NLGN1: variants seen among roughly 807,000 people sequenced by gnomAD.
NLGN1 encodes neuroligin 1.
NLGN1 carries 12 observed loss-of-function variants against 65.5 expected under a neutral mutation model. The ratio of observed to expected loss-of-function variants is 0.18; its 90% CI spans 0.12 to 0.30. The LOEUF is 0.30. Ranked by LOEUF, NLGN1 falls within the 10% of genes least tolerant of loss-of-function variation. The pLI is 1.00. For synonymous variants in NLGN1, 350 were observed against 359.5 expected (o/e 0.97, Z 0.30); for missense variants, 750 against 1,007.1 (o/e 0.74, Z 3.46).
intron 4 of NLGN1, among the ~76,000 whole-genome samples, chr3:174,061,269 T>C (rs1737361442): frequency 6.6e-6 from 1 of 152,130 alleles, no homozygotes; most frequent in Non-Finnish European, 1.5e-5. Flanking sequence ...ATATTGATGC[T>C]ATGGGGTTTT....
intron 3 of NLGN1, among the ~76,000 whole-genome samples, chr3:173,703,196 G>A (rs1767518655): frequency 6.6e-6 from 1 of 151,908 alleles, no homozygotes; most frequent in Non-Finnish European, 1.5e-5. Flanking sequence ...TTGCATGCTA[G>A]CAGGAAAGTA....
At chr3:174,081,005 C>G (rs1053730157) in intron 4 of NLGN1, among the ~76,000 whole-genome samples, 1 of 150,726 alleles carries the variant, frequency 6.6e-6, no homozygotes, top group East Asian at 2.0e-4. Context: ...GACTAGCTAC[C>G]TACTGTAATA....
rs563004262 is a variant in NLGN1 at position 173,539,912 on chromosome 3, A to G, written c.-320-64367A>G. Among the ~76,000 whole-genome samples the G allele has an allele frequency of 1.3e-3, 192 of 144,418 alleles. 1 individual carries two copies. Among genetic ancestry groups the G allele is most frequent in the African/African-American group, 5.0e-3 (186 of 36,938 alleles). The allele number at this position is 144,418 out of a possible 152,430, so 94.7% of individuals were successfully genotyped here. ...TTATATATATGTTATAAATGTATATATAACATACGTGTGTGTGTGTGTGTG... is the reference window on the plus strand; with the variant it reads ...TTATATATATGTTATAAATGTATATGTAACATACGTGTGTGTGTGTGTGTG... On this transcript the variant is annotated intron_variant, in intron 2 of 6. Coordinates refer to ENST00000457714, the Ensembl canonical transcript of NLGN1.
chr3:174,104,131 C>T (rs886703399), intron 4 of NLGN1, among the ~76,000 whole-genome samples: 6 of 152,000 alleles, frequency 3.9e-5, no homozygotes, highest in African/African-American at 7.2e-5. Flanking sequence ...GGTTTCAAAT[C>T]GTCCTTCTTT....
chr3:173,481,360 A>G (rs940759364), intron 2 of NLGN1, among the ~76,000 whole-genome samples: 3 of 152,030 alleles, frequency 2.0e-5, no homozygotes, highest in Non-Finnish European at 4.4e-5. Context: ...TATTACACAT[A>G]AACTGCAATG....
intron 4 of NLGN1, among the ~76,000 whole-genome samples, chr3:173,896,428 C>T (rs1240397162): frequency 1.3e-5 from 2 of 152,124 alleles, no homozygotes; most frequent in Non-Finnish European, 2.9e-5. Context: ...GTTCTCTGAG[C>T]ACCCTGTTGT....
intron 3 of NLGN1, among the ~76,000 whole-genome samples, chr3:173,777,607 TTCTGTCTGTCTG>T (rs149878598): frequency 0.068 from 10,213 of 149,536 alleles, 442 homozygotes; most frequent in African/African-American, 0.11. Context: ...CCAGAATGTA[TTCTGTCTGTCTG>T]TCTGTCTGTC....
At chr3:174,016,739 A>G (rs1268434880) in intron 4 of NLGN1, among the ~76,000 whole-genome samples, 1 of 152,200 alleles carries the variant, frequency 6.6e-6, no homozygotes, top group Non-Finnish European at 1.5e-5. Context: ...ATTAAAAGTA[A>G]TACAAAGAAT....
At chr3:173,650,689 T>C (rs1170355607) in intron 3 of NLGN1, among the ~76,000 whole-genome samples, 1 of 152,196 alleles carries the variant, frequency 6.6e-6, no homozygotes, top group Admixed American at 6.5e-5. Context: ...TATTCAGTTG[T>C]CTCAACATAA....
At chr3:173,694,809 G>A (rs1021052110) in intron 3 of NLGN1, among the ~76,000 whole-genome samples, 1 of 152,232 alleles carries the variant, frequency 6.6e-6, no homozygotes, top group Middle Eastern at 3.4e-3. Context: ...ACTGTGACAA[G>A]ACACATGACA....
intron 4 of NLGN1, among the ~76,000 whole-genome samples, chr3:174,189,239 G>A (rs1033002077): frequency 1.3e-5 from 2 of 151,930 alleles, no homozygotes; most frequent in African/African-American, 4.8e-5. Context: ...AATGAAAGAC[G>A]CAGAGCAAAG....
In NLGN1 at chr3:173,600,592, C is replaced by CTTTTT. The variant is rs150984290; in HGVS notation, c.-320-3682_-320-3678dup. On this transcript the variant is annotated intron_variant, in intron 2 of 6. Coordinates refer to ENST00000457714, the Ensembl canonical transcript of NLGN1. ...AAGCAAGGTAGAAATAAAAACATAT[C>CTTTTT]TTTTTTTTTAGAAAAAGATATGTAA... is the stretch of plus-strand genomic sequence containing the variant. 1.1e-4 allele frequency among the ~76,000 whole-genome samples: 11 copies of CTTTTT among 103,450 alleles called. 1 individual carries two copies. The highest frequency in any genetic ancestry group is 1.5e-4 in the Non-Finnish European group (8 of 51,722). 67.9% of individuals were successfully genotyped at this position (103,450 alleles called of 152,430 possible).
intron 3 of NLGN1, among the ~76,000 whole-genome samples, chr3:173,671,991 G>T (rs1762513750): frequency 6.6e-6 from 1 of 151,802 alleles, no homozygotes; most frequent in Non-Finnish European, 1.5e-5. Context: ...TGGCTAATAT[G>T]GTGAAACCCC....
intron 3 of NLGN1, among the ~76,000 whole-genome samples, chr3:173,786,594 G>A (rs1471391123): frequency 2.0e-5 from 3 of 152,008 alleles, no homozygotes; most frequent in Non-Finnish European, 4.4e-5. Context: ...AATATGTGTA[G>A]TATTTATATT....
chr3:173,544,508 C>G (rs949377749), intron 2 of NLGN1, among the ~76,000 whole-genome samples: 1 of 151,558 alleles, frequency 6.6e-6, no homozygotes, highest in African/African-American at 2.4e-5. Flanking sequence ...ACTATGTAGC[C>G]GTATAGTGGC....
chr3:173,672,480 A>C (rs961263286), intron 3 of NLGN1, among the ~76,000 whole-genome samples: 1 of 152,208 alleles, frequency 6.6e-6, no homozygotes, highest in African/African-American at 2.4e-5. Context: ...GTGAAGATTA[A>C]ATCTTGGATG....
chr3:173,465,791 A>G (rs1724244080), intron 2 of NLGN1, among the ~76,000 whole-genome samples: 1 of 152,222 alleles, frequency 6.6e-6, no homozygotes, highest in Admixed American at 6.5e-5. Flanking sequence ...CAGTTGGAAT[A>G]TGCCAGTGCC....
chr3:173,810,564 G>T (rs1195264579), intron 4 of NLGN1, among the ~76,000 whole-genome samples: 1 of 152,234 alleles, frequency 6.6e-6, no homozygotes, highest in African/African-American at 2.4e-5. Flanking sequence ...TCTGGAACAG[G>T]TAGTGCAATC....
rs368169398 is a variant in NLGN1 at position 173,411,389 on chromosome 3, G to C, written c.-390+12902G>C. On this transcript the variant is annotated intron_variant, in intron 1 of 6. Coordinates refer to ENST00000457714, the Ensembl canonical transcript of NLGN1. ...CTTCCTTCACCACTGCCATTCAGAGGTGCTGTTCTGGAGCCCTCGGTTGCC... is the reference window on the plus strand; with the variant it reads ...CTTCCTTCACCACTGCCATTCAGAGCTGCTGTTCTGGAGCCCTCGGTTGCC... 5.3e-5 allele frequency among the ~76,000 whole-genome samples: 8 copies of C among 152,158 alleles called. No individual in the cohort carries two copies. In the East Asian group the frequency reaches 9.6e-4, roughly 18 times the overall value.
Sources: gnomAD v4.1 joint callset for allele counts (sites outside exome capture counted in the v4.1 genomes callset) on GRCh38, gnomAD v4.1.1 for gene constraint, MANE v1.5 for transcripts, NCBI Gene and HGNC (gene_info 2026-07-23, HGNC 2026-07-21) for gene names.